Variants in SGCD observed in about 807,000 individuals in gnomAD.
The protein encoded by SGCD is sarcoglycan delta.
Under a neutral mutation model 36.6 loss-of-function variants are expected in SGCD, and 18 were observed. That is an observed-to-expected ratio of 0.49 (90% CI 0.34 to 0.73). The LOEUF (loss-of-function observed/expected upper bound fraction) is 0.73, where lower values mean the gene tolerates loss of function less well. Among genes scored for constraint, SGCD ranks in the 30% least tolerant of loss-of-function variants. The probability of loss-of-function intolerance (pLI) is 0.01; values close to 1 mark genes in which losing one functional copy is unlikely to be tolerated. For synonymous variants in SGCD, 133 were observed against 130.6 expected, an observed-to-expected ratio of 1.02 and a Z score of -0.12; for missense variants, 387 against 346.7, an observed-to-expected ratio of 1.12 and a Z score of -0.92.
chr5:156,426,761 G>T (rs1467771855), intron 3 of SGCD, among the ~76,000 whole-genome samples: 3 of 152,048 alleles, frequency 2.0e-5, no homozygotes, highest in Admixed American at 2.0e-4. Context: ...TGAAGATCCA[G>T]TTCATTCTTC....
At chr5:156,312,121 C>T (rs923079299) in intron 3 of SGCD, among the ~76,000 whole-genome samples, 1 of 152,300 alleles carries the variant, frequency 6.6e-6, no homozygotes. Flanking sequence ...CATGCCTACA[C>T]GTACCAAAGG....
At chr5:156,403,158 G>A (rs1235481330) in intron 3 of SGCD, among the ~76,000 whole-genome samples, 1 of 152,076 alleles carries the variant, frequency 6.6e-6, no homozygotes, top group Admixed American at 6.5e-5. Flanking sequence ...TTTCCTGTCT[G>A]TCCTTCCATC....
intron 7 of SGCD, among the ~76,000 whole-genome samples, chr5:156,742,699 G>A (rs1411705826): frequency 6.6e-6 from 1 of 152,176 alleles, no homozygotes; most frequent in African/African-American, 2.4e-5. Context: ...CGGGAGAGCT[G>A]ATGGTGTTGT....
chr5:156,092,614 C>G (rs529640034), intron 1 of SGCD, among the ~76,000 whole-genome samples: 2 of 152,276 alleles, frequency 1.3e-5, no homozygotes, highest in African/African-American at 4.8e-5. Flanking sequence ...ATTACTTACC[C>G]TTTTGTAGAT....
intron 1 of SGCD, among the ~76,000 whole-genome samples, chr5:155,937,063 G>A (rs1757222235): frequency 6.6e-6 from 1 of 152,198 alleles, no homozygotes; most frequent in Admixed American, 6.5e-5. Flanking sequence ...CGGGGCCAGG[G>A]AAAGCCTTCC....
At chr5:156,706,388 CCT>C (rs1449338932) in intron 7 of SGCD, among the ~76,000 whole-genome samples, 3 of 152,028 alleles carry the variant, frequency 2.0e-5, no homozygotes, top group Non-Finnish European at 4.4e-5. Flanking sequence ...TTGTATTTCC[CCT>C]GATTTTTGAT....
At chr5:155,882,141 T>C (rs1298272190) in intron 1 of SGCD, among the ~76,000 whole-genome samples, 1 of 152,166 alleles carries the variant, frequency 6.6e-6, no homozygotes, top group Non-Finnish European at 1.5e-5. Flanking sequence ...AGAGTCTTGC[T>C]CTGTTTCCCC....
chr5:156,355,025 T>C (rs1188648367), intron 3 of SGCD, among the ~76,000 whole-genome samples: 2 of 152,234 alleles, frequency 1.3e-5, no homozygotes, highest in Admixed American at 1.3e-4. Flanking sequence ...ACATTGAAGA[T>C]GTCTATTTAG....
At chr5:156,334,415 A>G (rs1156907335) in intron 2 of SGCD, among the ~76,000 whole-genome samples, 1 of 152,186 alleles carries the variant, frequency 6.6e-6, no homozygotes, top group African/African-American at 2.4e-5. Context: ...TTCAGTTCAC[A>G]TATTCTTTTC....
intron 3 of SGCD, among the ~76,000 whole-genome samples, chr5:156,478,691 C>T (rs555764548): frequency 6.6e-6 from 1 of 152,298 alleles, no homozygotes; most frequent in South Asian, 2.1e-4. Context: ...AGCAATTCTC[C>T]TGCCTCAGCC....
At chr5:156,590,129 C>T (rs1221248895) in intron 5 of SGCD, among the ~76,000 whole-genome samples, 1 of 152,154 alleles carries the variant, frequency 6.6e-6, no homozygotes, top group East Asian at 1.9e-4. Context: ...TGTTTGGCTT[C>T]AGGGCTAAAA....
Position 156,333,898 on chromosome 5 carries a change from G to A in SGCD, c.3+4319G>A, listed in dbSNP as rs112073646. 3.3e-3 allele frequency among the ~76,000 whole-genome samples: 460 copies of A among 137,598 alleles called. 5 individuals carry two copies. The highest frequency in any genetic ancestry group is 0.012 in the African/African-American group (429 of 37,066). 90.3% of individuals were successfully genotyped at this position (137,598 alleles called of 152,430 possible). Reference sequence around the variant, plus strand: ...GTAATGTGAAACCAGGAGTTCAAGCGGAAAAGACAGAAACCTAGAATTTAT... The same window carrying A: ...GTAATGTGAAACCAGGAGTTCAAGCAGAAAAGACAGAAACCTAGAATTTAT... On this transcript the variant is annotated intron_variant, in intron 2 of 8. Coordinates refer to ENST00000337851, the MANE Select transcript of SGCD (RefSeq NM_000337.6).
At chr5:156,452,406 T>A (rs1203568197) in intron 3 of SGCD, among the ~76,000 whole-genome samples, 2 of 152,184 alleles carry the variant, frequency 1.3e-5, no homozygotes, top group Non-Finnish European at 2.9e-5. Flanking sequence ...CCTTTTGCTT[T>A]CTTCCCTTTT....
the SGCD span, among the ~76,000 whole-genome samples, chr5:155,830,456 A>T: frequency 6.6e-6 from 1 of 152,172 alleles, no homozygotes; most frequent in Non-Finnish European, 1.5e-5. Flanking sequence ...CAGTCATTTT[A>T]TGGGGTAGGG....
At chr5:156,186,896 C>T (rs868768400) in intron 3 of SGCD, among the ~76,000 whole-genome samples, 3 of 152,174 alleles carry the variant, frequency 2.0e-5, no homozygotes, top group Non-Finnish European at 4.4e-5. Context: ...AAAGTTTTCC[C>T]AAGTCAATGG....
the SGCD span, among the ~76,000 whole-genome samples, chr5:155,845,932 AT>A: frequency 1.3e-5 from 2 of 152,130 alleles, no homozygotes; most frequent in African/African-American, 4.8e-5. Flanking sequence ...TTTCTGGGCC[AT>A]TTGCCCATGT....
In SGCD at chr5:156,069,939, A is replaced by G. The variant is rs908534094; in HGVS notation, c.-281-47939A>G. ...TGATTTGGCTCTCTGTTTGTCTGTT[A>G]TTGGTGTATAAGACTGCTTGTGATT... On this transcript the variant is annotated intron_variant, in intron 1 of 9. Coordinates refer to the SGCD transcript ENST00000517913. Among the ~76,000 whole-genome samples the G allele has an allele frequency of 1.9e-3, 291 of 151,902 alleles. 2 individuals carry two copies. Among genetic ancestry groups the G allele is most frequent in the African/African-American group, 6.7e-3 (278 of 41,310 alleles).
intron 7 of SGCD, among the ~76,000 whole-genome samples, chr5:156,741,614 C>T (rs1756678386): frequency 1.3e-5 from 2 of 151,716 alleles, no homozygotes; most frequent in African/African-American, 2.4e-5. Context: ...CCGAAAACTA[C>T]ACATCTTCAA....
chr5:156,541,246 G>T (rs908970197), intron 4 of SGCD, among the ~76,000 whole-genome samples: 2 of 152,174 alleles, frequency 1.3e-5, no homozygotes, highest in Non-Finnish European at 2.9e-5. Flanking sequence ...TTGGAGGGCT[G>T]GGGTTTTGCC....
Sources: allele counts gnomAD v4.1 joint callset (sites outside exome capture counted in the v4.1 genomes callset), GRCh38; gene constraint gnomAD v4.1.1; transcripts MANE v1.5; gene names NCBI Gene and HGNC (gene_info 2026-07-23, HGNC 2026-07-21).